Variants in ZNF804B observed in about 807,000 individuals in gnomAD.
ZNF804B encodes the protein zinc finger protein 804B, also known as zinc finger 804B.
ZNF804B carries 80 observed loss-of-function variants against 101.4 expected under a neutral mutation model. That is an observed-to-expected ratio of 0.79 (90% confidence interval 0.66 to 0.95). The LOEUF (loss-of-function observed/expected upper bound fraction) is 0.95. ZNF804B is among the 40% of genes least tolerant of loss of function. The pLI is 0.00. For synonymous variants in ZNF804B, 622 were observed against 558.8 expected (o/e 1.11, Z -1.59); for missense variants, 1,673 against 1,561.9 (o/e 1.07, Z -1.20).
At chr7:88,898,692 T>C (rs2115947307) in intron 1 of ZNF804B, among the ~76,000 whole-genome samples, 1 of 152,316 alleles carries the variant, frequency 6.6e-6, no homozygotes, top group Admixed American at 6.5e-5. Context: ...GATAATTTTC[T>C]TCAAGAGGAT....
chr7:89,211,510 A>AG (rs1348471856), intron 1 of ZNF804B, among the ~76,000 whole-genome samples: 3 of 152,154 alleles, frequency 2.0e-5, no homozygotes. Context: ...TTTATATATA[A>AG]GTCCTTAATC....
In ZNF804B at chr7:89,295,341, G is replaced by T. The variant is rs187719097; in HGVS notation, c.250-32003G>T. On this transcript the variant is annotated intron_variant, in intron 2 of 3. Transcript: ENST00000333190. ...GTACAGTTGCTCAAAATGCAATTCT[G>T]CAGTGACTCACCTTTCAGATTGCCT... Among the ~76,000 whole-genome samples, 605 of 152,226 alleles carry T rather than the reference G, an allele frequency of 4.0e-3. 1 individual carries two copies. The highest frequency in any genetic ancestry group is 5.9e-3 in the Non-Finnish European group (404 of 67,982).
intron 1 of ZNF804B, among the ~76,000 whole-genome samples, chr7:88,960,117 T>A (rs944398090): frequency 2.6e-5 from 4 of 151,470 alleles, no homozygotes; most frequent in Non-Finnish European, 3.0e-5. Flanking sequence ...TTGTACAAAT[T>A]ATTACATAAA....
At chr7:89,221,832 T>C (rs1484279516) in intron 2 of ZNF804B, among the ~76,000 whole-genome samples, 1 of 151,848 alleles carries the variant, frequency 6.6e-6, no homozygotes, top group African/African-American at 2.4e-5. Context: ...CTTTCCTGGG[T>C]ATTCTCCTTC....
At chr7:88,914,088 G>C (rs979450586) in intron 1 of ZNF804B, among the ~76,000 whole-genome samples, 1 of 152,154 alleles carries the variant, frequency 6.6e-6, no homozygotes, top group African/African-American at 2.4e-5. Flanking sequence ...CTAGAGAATA[G>C]GTGGGTTTGT....
At chr7:89,107,940 G>A (rs180739281) in intron 1 of ZNF804B, among the ~76,000 whole-genome samples, 3 of 152,070 alleles carry the variant, frequency 2.0e-5, no homozygotes, top group Non-Finnish European at 4.4e-5. Context: ...ACAAAGAAGA[G>A]ATGAGCATTA....
At chr7:89,285,464 A>G (rs1197649429) in intron 2 of ZNF804B, among the ~76,000 whole-genome samples, 3 of 138,118 alleles carry the variant, frequency 2.2e-5, no homozygotes, top group African/African-American at 8.0e-5. Context: ...CAGAGCTTGC[A>G]GTGAGCCGAG....
intron 1 of ZNF804B, among the ~76,000 whole-genome samples, chr7:89,089,899 C>CTGA (rs1478210497): frequency 6.6e-6 from 1 of 151,950 alleles, no homozygotes; most frequent in Admixed American, 6.6e-5. Flanking sequence ...GCTGTGCTAA[C>CTGA]TGATATATAA....
intron 1 of ZNF804B, among the ~76,000 whole-genome samples, chr7:89,089,888 G>C (rs1789856683): frequency 6.6e-6 from 1 of 152,008 alleles, no homozygotes; most frequent in Admixed American, 6.6e-5. Flanking sequence ...ATGGATTGTA[G>C]GCTGTGCTAA....
At chr7:88,760,492 A>G (rs2115602287) in intron 1 of ZNF804B, among the ~76,000 whole-genome samples, 1 of 152,330 alleles carries the variant, frequency 6.6e-6, no homozygotes, top group African/African-American at 2.4e-5. Context: ...TAATAATGCT[A>G]CTGTTACTTT....
At chr7:89,280,405 A>C (rs1436984238) in intron 2 of ZNF804B, among the ~76,000 whole-genome samples, 3 of 152,096 alleles carry the variant, frequency 2.0e-5, no homozygotes, top group East Asian at 1.9e-4. Context: ...AAATAACTAA[A>C]ATCAGAGCAG....
At chr7:89,199,958 A>G (rs929867998) in intron 1 of ZNF804B, among the ~76,000 whole-genome samples, 1 of 148,718 alleles carries the variant, frequency 6.7e-6, no homozygotes, top group Non-Finnish European at 1.5e-5. Context: ...ATACACATAT[A>G]TAGATATAAA....
intron 1 of ZNF804B, among the ~76,000 whole-genome samples, chr7:88,816,786 G>T (rs1395065957): frequency 1.4e-5 from 2 of 144,028 alleles, no homozygotes; most frequent in Non-Finnish European, 3.0e-5. Flanking sequence ...CTGTTGGTGG[G>T]ACTGTAAACT....
intron 1 of ZNF804B, among the ~76,000 whole-genome samples, chr7:88,956,759 G>A (rs1010709550): frequency 1.5e-4 from 22 of 151,254 alleles, no homozygotes; most frequent in Non-Finnish European, 3.0e-4. Flanking sequence ...AATATAAAAT[G>A]TTATCTCATA....
intron 1 of ZNF804B, among the ~76,000 whole-genome samples, chr7:89,067,836 T>G (rs1452327697): frequency 6.7e-6 from 1 of 149,806 alleles, no homozygotes; most frequent in Non-Finnish European, 1.5e-5. Flanking sequence ...TTCTTTTTTT[T>G]TTTTTGAGAC....
At chr7:89,274,990 C>T (rs550504530) in intron 2 of ZNF804B, among the ~76,000 whole-genome samples, 5 of 152,030 alleles carry the variant, frequency 3.3e-5, no homozygotes, top group Non-Finnish European at 7.4e-5. Context: ...AGAAAACTCT[C>T]AAATGTGTAG....
intron 2 of ZNF804B, among the ~76,000 whole-genome samples, chr7:89,250,523 C>T (rs1584082992): frequency 2.6e-5 from 4 of 152,268 alleles, no homozygotes; most frequent in Admixed American, 2.6e-4. Context: ...CAAATAAGAG[C>T]TGGTACTAAT....
intron 2 of ZNF804B, among the ~76,000 whole-genome samples, chr7:89,272,665 G>A (rs1167007236): frequency 6.6e-6 from 1 of 151,988 alleles, no homozygotes; most frequent in African/African-American, 2.4e-5. Flanking sequence ...GATCTTTTGA[G>A]CTTTATTTGT....
At chr7:89,277,208 TCAAA>T (rs1789994937) in intron 2 of ZNF804B, among the ~76,000 whole-genome samples, 1 of 150,094 alleles carries the variant, frequency 6.7e-6, no homozygotes, top group Non-Finnish European at 1.5e-5. Flanking sequence ...GAGAAATTCC[TCAAA>T]TGCAGAGCTA....
Sources: allele counts gnomAD v4.1 joint callset (sites outside exome capture counted in the v4.1 genomes callset), GRCh38; gene constraint gnomAD v4.1.1; transcripts MANE v1.5; gene names NCBI Gene and HGNC (gene_info 2026-07-23, HGNC 2026-07-21).